The following HEATR4 variants were observed in gnomAD, a reference collection of about 807,000 sequenced individuals.
HEATR4 encodes HEAT repeat-containing protein 4.
A neutral mutation model predicts 108.8 loss-of-function variants in HEATR4; 95 were observed. That is an observed-to-expected ratio of 0.87 (90% CI 0.74 to 1.04). The LOEUF is 1.04. Among genes scored for constraint, HEATR4 ranks in the 50% least tolerant of loss-of-function variants. The probability of loss-of-function intolerance (pLI) is 0.00; values close to 1 mark genes in which losing one functional copy is unlikely to be tolerated. For missense variants in HEATR4, 1,152 were observed against 1,253.8 expected, an observed-to-expected ratio of 0.92 and a Z score of 1.23; for synonymous variants, 443 against 459.4, an observed-to-expected ratio of 0.96 and a Z score of 0.46.
At position 73,536,516 on chromosome 14, in the gene HEATR4, TAAAAA is replaced by T. The variant is rs543491523; in HGVS notation, c.-151-6277_-151-6273del. The stretch of plus-strand genomic sequence containing the variant: ...GCAACGTAGTGAGACCCTGTCTCTT[TAAAAA>T]AAAAAAAAAAAAAAAAAAAAGATGA... On this transcript the variant is annotated intron_variant, in intron 1 of 17. Transcript: ENST00000553558. 9.9e-4 allele frequency among the ~76,000 whole-genome samples: 59 copies of T among 59,336 alleles called. 13 individuals are homozygous for T. Among genetic ancestry groups the T allele is most frequent in the South Asian group, 9.3e-3 (13 of 1,392 alleles). The allele number at this position is 59,336 out of a possible 152,430, so 38.9% of individuals were successfully genotyped here.
chr14:73,590,040 G>A, the HEATR4 span, among the ~76,000 whole-genome samples: 4 of 152,172 alleles, frequency 2.6e-5, no homozygotes, highest in Admixed American at 1.3e-4. Flanking sequence ...CAAAAACTGA[G>A]CTACCTTTAT....
Position 73,496,604 on chromosome 14 carries a change from G to C in HEATR4, c.2622C>G (p.Asn874Lys), listed in dbSNP as rs1886122797. The C allele has an allele frequency of 6.3e-7, 1 of 1,592,174 alleles. No homozygotes were observed. Among genetic ancestry groups the C allele is most frequent in the African/African-American group, 1.3e-5 (1 of 74,552 alleles). The part of the protein sequence containing the change: ...GNQEMLQEIK[N>K]RIKTLSQKDL... Reference sequence around the variant, plus strand: ...AACAGAGCTTGCACTTATTTACCCTGTTCTTGATCTCCTGAAGCATTTCTT... The same window carrying C: ...AACAGAGCTTGCACTTATTTACCCTCTTCTTGATCTCCTGAAGCATTTCTT... The change falls in exon 15 of 18, where the codon AAC becomes AAG. Residue 874 changes from asparagine to lysine, a missense_variant. Coordinates refer to ENST00000553558, the MANE Select transcript of HEATR4 (RefSeq NM_001220484.1).
At chr14:73,619,136 GA>G in the HEATR4 span, 4 of 1,443,160 alleles carry the variant, frequency 2.8e-6, no homozygotes, top group Non-Finnish European at 1.8e-6. Context: ...TCTCAAAAAA[GA>G]AAAAAAAGAG....
chr14:73,525,953 TAA>T (rs59834256), intron 2 of HEATR4, among the ~76,000 whole-genome samples: 97,196 of 144,504 alleles, frequency 0.67, 32,713 homozygotes, highest in East Asian at 0.79. Flanking sequence ...ACTCCTTATT[TAA>T]AAAAAAAAAA....
Position 73,514,014 on chromosome 14 carries a change from G to A in HEATR4, c.1414+17C>T, listed in dbSNP as rs1887432284. ...TTCTCACAAACGTACAGTATCACAG[G>A]ACCTCCCTTCACTCACTCAGAGCCC... On this transcript the variant is annotated intron_variant, in intron 6 of 17. Coordinates refer to ENST00000553558, the MANE Select transcript of HEATR4 (RefSeq NM_001220484.1). 2 of 1,612,232 alleles carry A rather than the reference G, an allele frequency of 1.2e-6. No individual in the cohort carries two copies. Among genetic ancestry groups the A allele is most frequent in the Non-Finnish European group, 1.7e-6 (2 of 1,178,324 alleles).
In HEATR4 at chr14:73,499,065, T is replaced by C; in HGVS notation, c.2356+6A>G. ...TGAAGAGTTTGGGGCACTACTTCTA[T>C]AATACCTCGAATGGCAAAGGCCTTG... On this transcript the variant is annotated splice_donor_region_variant and intron_variant, in intron 13 of 17. Transcript: ENST00000553558. 1 of 1,613,324 alleles carries C rather than the reference T, an allele frequency of 6.2e-7. No homozygotes were observed. Among genetic ancestry groups the C allele is most frequent in the Non-Finnish European group, 8.5e-7 (1 of 1,179,228 alleles).
At position 73,492,739 on chromosome 14, in the gene HEATR4, C is replaced by A. The variant is rs1465105784; in HGVS notation, c.2844+327G>T. The A allele has an allele frequency of 6.2e-7, 1 of 1,613,902 alleles. No homozygotes were observed. The highest frequency in any genetic ancestry group is 1.6e-4 in the Middle Eastern group (1 of 6,062). ...TTCTCTATTACACAGTGGAAAACTC[C>A]CGTGTGTATCATCTGGAAGAACCCA... On this transcript the variant is annotated intron_variant, in intron 17 of 17. Transcript: ENST00000553558. This position sits in a 1 kb window ranked among gnomAD's most constrained non-coding sequence, Gnocchi z 4.9.
chr14:73,562,769 GA>G (rs1242799944), upstream of HEATR4, among the ~76,000 whole-genome samples: 1 of 151,994 alleles, frequency 6.6e-6, no homozygotes, highest in Non-Finnish European at 1.5e-5. Context: ...CTAGGGTTGG[GA>G]AAACTCCACC....
At chr14:73,506,802 C>CTTTTTTTTTTTTTTTTTTTT (rs1470976246) in intron 9 of HEATR4, among the ~76,000 whole-genome samples, 75 of 57,904 alleles carry the variant, frequency 1.3e-3, no homozygotes, top group East Asian at 3.7e-3. Context: ...CTGACTTTAA[C>CTTTTTTTTTTTTTTTTTTTT]TGTTTTTTTT....
chr14:73,515,354 A>C (rs1887531453), intron 5 of HEATR4, among the ~76,000 whole-genome samples: 1 of 152,150 alleles, frequency 6.6e-6, no homozygotes, highest in Non-Finnish European at 1.5e-5. Flanking sequence ...TTGAGCAAGG[A>C]AGACATAACA....
chr14:73,493,129 G>A lies in HEATR4; in HGVS notation c.2786-5C>T. On this transcript the variant is annotated splice_region_variant and splice_polypyrimidine_tract_variant and intron_variant, in intron 16 of 17. Transcript: ENST00000553558. The stretch of plus-strand genomic sequence containing the variant: ...TTCTAGGAAGAACCATCTCATCTAG[G>A]TACAAAAGGAAAAGGAGAAGTTGGA... The A allele has an allele frequency of 1.9e-6, 3 of 1,611,228 alleles. No individual in the cohort carries two copies. Among genetic ancestry groups the A allele is most frequent in the Non-Finnish European group, 2.5e-6 (3 of 1,179,048 alleles).
At chr14:73,485,094 G>A (rs1303269552) in intron 17 of HEATR4, among the ~76,000 whole-genome samples, 1 of 152,040 alleles carries the variant, frequency 6.6e-6, no homozygotes, top group Non-Finnish European at 1.5e-5. Context: ...AACCTGGGAG[G>A]TGGAGGATGC....
the HEATR4 span, chr14:73,582,115 GA>G: frequency 8.1e-6 from 1 of 124,146 alleles, no homozygotes; most frequent in African/African-American, 3.4e-5. Flanking sequence ...GAGTGGCCAA[GA>G]TCCCACTGAA....
chr14:73,626,465 GT>G, the HEATR4 span, among the ~76,000 whole-genome samples: 1 of 152,118 alleles, frequency 6.6e-6, no homozygotes. Context: ...GGAAGCTGCA[GT>G]AGAAAAGTTT....
In HEATR4 at chr14:73,498,201, T is replaced by G; in HGVS notation, c.2500A>C (p.Thr834Pro). 2 of 1,613,946 alleles carry G rather than the reference T, an allele frequency of 1.2e-6. No homozygotes were observed. Among genetic ancestry groups the G allele is most frequent in the Non-Finnish European group, 1.7e-6 (2 of 1,179,914 alleles). Reference protein sequence around the residue: ...LKLQGDRVRDTFLDVLLLENH... With the variant: ...LKLQGDRVRDPFLDVLLLENH... ...TCCAGGAGCAGCACGTCTAGGAAGG[T>G]GTCCCTGACCCGGTCCCCTTGAAGT... is the stretch of plus-strand genomic sequence containing the variant. The change falls in exon 14 of 18, where the codon ACC (threonine) becomes CCC (proline). Residue 834 changes from threonine to proline, a missense_variant. Transcript: ENST00000553558.
At chr14:73,588,309 A>G in the HEATR4 span, among the ~76,000 whole-genome samples, 1 of 152,068 alleles carries the variant, frequency 6.6e-6, no homozygotes, top group East Asian at 1.9e-4. Context: ...CTATCTCTCT[A>G]AATTTTAAAA....
At chr14:73,516,363 A>G (rs1227113350) in intron 5 of HEATR4, among the ~76,000 whole-genome samples, 1 of 85,438 alleles carries the variant, frequency 1.2e-5, no homozygotes, top group Non-Finnish European at 2.1e-5. Context: ...ACACTTTGCC[A>G]TGTGACGCTC....
At chr14:73,606,301 A>G in the HEATR4 span, among the ~76,000 whole-genome samples, 1 of 152,052 alleles carries the variant, frequency 6.6e-6, no homozygotes, top group African/African-American at 2.4e-5. Context: ...GGTTGCGGTA[A>G]GCCGAGATCC....
chr14:73,579,266 A>T, the HEATR4 span, among the ~76,000 whole-genome samples: 8 of 6,862 alleles, frequency 1.2e-3, no homozygotes, highest in South Asian at 0.01. Context: ...CAAAAAAATT[A>T]AAAAAAAAAA....
Sources: gnomAD v4.1 joint callset for allele counts (sites outside exome capture counted in the v4.1 genomes callset) on GRCh38, gnomAD v4.1.1 for gene constraint, Gnocchi (gnomAD v3.1) non-coding constraint, MANE v1.5 for transcripts, NCBI Gene and HGNC (gene_info 2026-07-23, HGNC 2026-07-21) for gene names.